Variants in TLCD4 observed in about 807,000 individuals in gnomAD.
The protein encoded by TLCD4 is TLC domain-containing protein 4.
Under a neutral mutation model 24.2 loss-of-function variants are expected in TLCD4, and 7 were observed. The ratio of observed to expected loss-of-function variants is 0.29; its 90% CI spans 0.16 to 0.54. The LOEUF (loss-of-function observed/expected upper bound fraction) is 0.54. Ranked by LOEUF, TLCD4 falls within the 20% of genes least tolerant of loss-of-function variation. The pLI is 0.95. For missense variants in TLCD4, 259 were observed against 313.9 expected (o/e 0.82, Z 1.32); for synonymous variants, 103 against 106.4 (o/e 0.97, Z 0.20).
the TLCD4 span, among the ~76,000 whole-genome samples, chr1:95,104,651 G>A: frequency 0.24 from 17,297 of 72,378 alleles, 1,302 homozygotes; most frequent in Non-Finnish European, 0.32. Context: ...GGGGGACAGC[G>A]AGACTCCGTC....
intron 5 of TLCD4, among the ~76,000 whole-genome samples, chr1:95,151,985 C>T (rs1308465781): frequency 6.6e-6 from 1 of 151,888 alleles, no homozygotes; most frequent in Non-Finnish European, 1.5e-5. Context: ...CTTTATATTC[C>T]TTGTATGTTT....
intron 1 of TLCD4, chr1:95,125,674 C>T (rs896342761): frequency 6.6e-6 from 1 of 152,148 alleles, no homozygotes; most frequent in African/African-American, 2.4e-5. Context: ...CCTTGGCTGT[C>T]TTCTCATTTT....
At chr1:95,126,740 A>G (rs923392491) in intron 1 of TLCD4, among the ~76,000 whole-genome samples, 2 of 152,174 alleles carry the variant, frequency 1.3e-5, no homozygotes, top group African/African-American at 4.8e-5. Context: ...TCTATCTACC[A>G]TCCTCTGGTA....
At chr1:95,141,464 C>T (rs565124227) in intron 1 of TLCD4, among the ~76,000 whole-genome samples, 2 of 152,260 alleles carry the variant, frequency 1.3e-5, no homozygotes, top group South Asian at 4.1e-4. Flanking sequence ...GAAACCTCCT[C>T]ACATTTAAGA....
chr1:95,131,594 G>A (rs1288349237), intron 1 of TLCD4, among the ~76,000 whole-genome samples: 4 of 152,246 alleles, frequency 2.6e-5, no homozygotes, highest in Non-Finnish European at 5.9e-5. Context: ...AAGGAGACCA[G>A]TTTGGAGACA....
Position 95,191,835 on chromosome 1 carries a change from C to T in TLCD4, c.759C>T (p.Ala253=), listed in dbSNP as rs1402393420. Residue 253 remains alanine (A), a synonymous_variant, in exon 7 of 7, where the codon GCC becomes GCT. Transcript: ENST00000370203. ...TCTCTCACATCAGACAAGAGAAAGC[C>T]AAAAATAGTCTTCAGAATGGAAAAC... The part of the protein sequence containing the change: ...KVISHIRQEK[A]KNSLQNGKLD The T allele has an allele frequency of 1.9e-6, 3 of 1,612,892 alleles. No homozygotes were observed. Among genetic ancestry groups the T allele is most frequent in the African/African-American group, 2.7e-5 (2 of 74,782 alleles).
rs1044725889 is a variant in TLCD4 at position 95,191,937 on chromosome 1, T to C, written c.*69T>C. Reference sequence around the variant, plus strand: ...CTGCTGATAGGATGAATTCTTGGCATGTTCTTGTGTACCTTTCTTAATTAT... The same window carrying C: ...CTGCTGATAGGATGAATTCTTGGCACGTTCTTGTGTACCTTTCTTAATTAT... On this transcript the variant is annotated 3_prime_UTR_variant, in exon 7 of 7. Transcript: ENST00000370203. 1.8e-4 allele frequency: 281 copies of C among 1,528,224 alleles called. No homozygotes were observed. Among genetic ancestry groups the C allele is most frequent in the Non-Finnish European group, 2.3e-4 (264 of 1,144,640 alleles). The allele number at this position is 1,528,224 out of a possible 1,614,324, so 94.7% of individuals were successfully genotyped here.
At chr1:95,170,240 TA>T (rs1678157018) in intron 5 of TLCD4, among the ~76,000 whole-genome samples, 1 of 151,822 alleles carries the variant, frequency 6.6e-6, no homozygotes, top group African/African-American at 2.4e-5. Flanking sequence ...CCTTAAGGAA[TA>T]AAAAGTTCAC....
chr1:95,140,255 C>CGT (rs1456637297), intron 1 of TLCD4, among the ~76,000 whole-genome samples: 1 of 152,026 alleles, frequency 6.6e-6, no homozygotes, highest in African/African-American at 2.4e-5. Flanking sequence ...TTTATATGAC[C>CGT]GTCAGTGCAG....
At chr1:95,165,366 A>T (rs1454430658) in intron 5 of TLCD4, among the ~76,000 whole-genome samples, 2 of 152,122 alleles carry the variant, frequency 1.3e-5, no homozygotes, top group African/African-American at 4.8e-5. Flanking sequence ...ACTTTGAGTG[A>T]ATATCCATAT....
chr1:95,168,826 C>T (rs1678111661), intron 5 of TLCD4, among the ~76,000 whole-genome samples: 1 of 152,082 alleles, frequency 6.6e-6, no homozygotes, highest in South Asian at 2.1e-4. Context: ...CTGTGTAAGG[C>T]TTTATGGATA....
At chr1:95,123,868 CTT>C (rs1196159388) in intron 1 of TLCD4, among the ~76,000 whole-genome samples, 1 of 152,168 alleles carries the variant, frequency 6.6e-6, no homozygotes, top group African/African-American at 2.4e-5. Flanking sequence ...TCTTTTCAAA[CTT>C]GTGTGAATTT....
chr1:95,172,133 C>T (rs868392158), intron 5 of TLCD4, among the ~76,000 whole-genome samples: 12 of 152,146 alleles, frequency 7.9e-5, no homozygotes, highest in Admixed American at 6.6e-5. Context: ...TTCTAGCTTC[C>T]GTAACTGTGA....
chr1:95,108,646 G>A, the TLCD4 span, among the ~76,000 whole-genome samples: 17 of 152,224 alleles, frequency 1.1e-4, no homozygotes, highest in Admixed American at 4.6e-4. Context: ...TTGTATATTC[G>A]TATTTTGCAT....
At chr1:95,178,989 G>A (rs1678545002) in intron 6 of TLCD4, among the ~76,000 whole-genome samples, 1 of 152,006 alleles carries the variant, frequency 6.6e-6, no homozygotes, top group African/African-American at 2.4e-5. Context: ...CCAGCATTAG[G>A]TTCTACCATA....
chr1:95,121,070 A>G (rs942114054), intron 1 of TLCD4: 2 of 152,220 alleles, frequency 1.3e-5, no homozygotes, highest in African/African-American at 2.4e-5. Flanking sequence ...GAACTCACAT[A>G]GATGAAATGA....
At chr1:95,171,705 G>T (rs1331240430) in intron 5 of TLCD4, among the ~76,000 whole-genome samples, 1 of 152,128 alleles carries the variant, frequency 6.6e-6, no homozygotes, top group Non-Finnish European at 1.5e-5. Context: ...CAGAGGGAAA[G>T]ACACATAAAA....
At chr1:95,135,077 TACTTA>T (rs751682858) in intron 1 of TLCD4, among the ~76,000 whole-genome samples, 12 of 152,228 alleles carry the variant, frequency 7.9e-5, no homozygotes, top group Non-Finnish European at 1.3e-4. Context: ...ATGGTGTATA[TACTTA>T]ACATTTCCTT....
Position 95,150,276 on chromosome 1 carries a change from A to G in TLCD4, c.304+10A>G. 1 of 1,609,212 alleles carries G rather than the reference A, an allele frequency of 6.2e-7. No homozygotes were observed. Among genetic ancestry groups the G allele is most frequent in the Non-Finnish European group, 8.5e-7 (1 of 1,179,166 alleles). ...GGCTACCTCATTTCTGGTATGTGAG[A>G]TGTTGTTTTATTGTCTAATTCCTTG... On this transcript the variant is annotated intron_variant, in intron 4 of 6. Coordinates refer to ENST00000370203, the MANE Select transcript of TLCD4 (RefSeq NM_152487.3).
Sources: gnomAD v4.1 joint callset for allele counts (sites outside exome capture counted in the v4.1 genomes callset) on GRCh38, gnomAD v4.1.1 for gene constraint, MANE v1.5 for transcripts, NCBI Gene and HGNC (gene_info 2026-07-23, HGNC 2026-07-21) for gene names.